Variants in WRN observed in about 807,000 individuals in gnomAD.
WRN encodes WRN RecQ like helicase, also known as bifunctional 3'-5' exonuclease/ATP-dependent helicase WRN.
WRN carries 149 observed loss-of-function variants against 180.7 expected under a neutral mutation model. The observed-to-expected ratio is 0.82, with a 90% confidence interval of 0.72 to 0.94. The LOEUF (loss-of-function observed/expected upper bound fraction) is 0.94, where lower values mean the gene tolerates loss of function less well. Among genes scored for constraint, WRN ranks in the 40% least tolerant of loss-of-function variants. The pLI, the probability that WRN is intolerant of heterozygous loss-of-function variation, is 0.00. For missense variants in WRN, 1,661 were observed against 1,700.1 expected (o/e 0.98, Z 0.40); for synonymous variants, 548 against 568.9 (o/e 0.96, Z 0.52).
intron 18 of WRN, among the ~76,000 whole-genome samples, chr8:31,109,299 T>A (rs192330701): frequency 6.6e-6 from 1 of 152,340 alleles, no homozygotes; most frequent in Non-Finnish European, 1.5e-5. Context: ...TACTATTAAT[T>A]TTTAATATAG....
chr8:31,115,935 A>G (rs190630451), intron 19 of WRN, among the ~76,000 whole-genome samples: 65 of 152,352 alleles, frequency 4.3e-4, no homozygotes, highest in Admixed American at 1.8e-3. Flanking sequence ...CAGCTTTATT[A>G]TCATAAGCAA....
intron 23 of WRN, among the ~76,000 whole-genome samples, chr8:31,127,418 G>A (rs894849940): frequency 2.6e-5 from 4 of 151,934 alleles, no homozygotes; most frequent in African/African-American, 9.7e-5. Context: ...TATGTTAATT[G>A]AAAAAATAAA....
intron 1 of WRN, among the ~76,000 whole-genome samples, chr8:31,035,464 G>A (rs982825480): frequency 6.6e-6 from 1 of 152,146 alleles, no homozygotes; most frequent in Non-Finnish European, 1.5e-5. Context: ...TGTTCAGAGA[G>A]CAACTTAAGA....
At chr8:31,110,024 A>G (rs142262790) in intron 18 of WRN, among the ~76,000 whole-genome samples, 77 of 152,314 alleles carry the variant, frequency 5.1e-4, no homozygotes, top group African/African-American at 1.7e-3. Context: ...TATCCTGAAA[A>G]TCACTGTTTT....
chr8:31,063,692 C>T (rs1038401915), intron 3 of WRN, among the ~76,000 whole-genome samples: 2 of 152,136 alleles, frequency 1.3e-5, no homozygotes, highest in Admixed American at 6.5e-5. Context: ...GTAGTGTCTT[C>T]ACATATTTTT....
At chr8:31,059,535 G>A (rs1812405859) in intron 3 of WRN, among the ~76,000 whole-genome samples, 1 of 151,982 alleles carries the variant, frequency 6.6e-6, no homozygotes, top group Admixed American at 6.5e-5. Flanking sequence ...AAGCGAGCAC[G>A]ACAGTTTTTT....
intron 9 of WRN, 117 bp downstream of exon 9, chr8:31,081,413 C>A: frequency 9.6e-7 from 1 of 1,045,510 alleles, no homozygotes; most frequent in Non-Finnish European, 1.4e-6. Flanking sequence ...GTCTCTGTTG[C>A]AGTAACTCAG....
At chr8:31,113,740 A>G (rs1801410529) in intron 19 of WRN, among the ~76,000 whole-genome samples, 1 of 151,992 alleles carries the variant, frequency 6.6e-6, no homozygotes, top group African/African-American at 2.4e-5. Flanking sequence ...ATCCTATGCA[A>G]ATGTTTCTTT....
intron 30 of WRN, 58 bp from the exon 31 acceptor site, chr8:31,150,283 T>C: frequency 7.4e-7 from 1 of 1,356,506 alleles, no homozygotes. Context: ...GCTGGAGTGA[T>C]ACTGTTTCAG....
chr8:31,063,118 G>C (rs959692584), intron 3 of WRN, among the ~76,000 whole-genome samples: 2 of 152,184 alleles, frequency 1.3e-5, no homozygotes, highest in African/African-American at 4.8e-5. Flanking sequence ...GATTACAGGT[G>C]TGAGCCACTG....
chr8:31,147,812 TG>T (rs1258065039), intron 30 of WRN, among the ~76,000 whole-genome samples: 2 of 152,142 alleles, frequency 1.3e-5, no homozygotes, highest in African/African-American at 4.8e-5. Flanking sequence ...AGGTTCCTAA[TG>T]CTTAAAACCT....
chr8:31,089,481 TG>T (rs1563344013), intron 13 of WRN, among the ~76,000 whole-genome samples: 1 of 152,038 alleles, frequency 6.6e-6, no homozygotes, highest in African/African-American at 2.4e-5. Context: ...CTAATAAGCC[TG>T]TGAAAATCTA....
intron 1 of WRN, among the ~76,000 whole-genome samples, chr8:31,052,882 C>T (rs373868636): frequency 6.6e-6 from 1 of 152,058 alleles, no homozygotes; most frequent in South Asian, 2.1e-4. Context: ...CCAGGTACCT[C>T]GCTGGGTTGC....
At chr8:31,046,159 T>A (rs1201265002) in intron 1 of WRN, among the ~76,000 whole-genome samples, 1 of 152,192 alleles carries the variant, frequency 6.6e-6, no homozygotes, top group Non-Finnish European at 1.5e-5. Context: ...TGAGATAGGA[T>A]AATAATTTAT....
chr8:31,175,266 C>T lies in WRN; in HGVS notation c.*2164C>T. Among the ~76,000 whole-genome samples the T allele has an allele frequency of 6.6e-6, 1 of 152,126 alleles. No individual in the cohort carries two copies. The highest frequency in any genetic ancestry group is 2.1e-4 in the South Asian group (1 of 4,808). On this transcript the variant is annotated 3_prime_UTR_variant, in exon 35 of 35. Transcript: ENST00000298139. ...CCTGGCCAACATGGTGAAACCCCGT[C>T]TCTACTAAAAATACAAAAATTAGCT...
At position 31,087,772 on chromosome 8, in the gene WRN, T is replaced by G; in HGVS notation, c.1432-4T>G. 6.2e-7 allele frequency: 1 copy of G among 1,613,178 alleles called. No individual in the cohort carries two copies. The highest frequency in any genetic ancestry group is 8.5e-7 in the Non-Finnish European group (1 of 1,179,418). On this transcript the variant is annotated splice_region_variant and splice_polypyrimidine_tract_variant and intron_variant, in intron 11 of 34. Coordinates refer to ENST00000298139, the MANE Select transcript of WRN (RefSeq NM_000553.6). ...TGCTTTTAAGATTTCTTTTAAACTT[T>G]CAGTCTTTAGAAAACCTCAATAGTG...
chr8:31,165,151 TCTTA>T (rs1803803437), intron 33 of WRN, among the ~76,000 whole-genome samples: 2 of 152,074 alleles, frequency 1.3e-5, no homozygotes, highest in Admixed American at 6.6e-5. Context: ...GAATAAAATA[TCTTA>T]CTTTTTCTTT....
At chr8:31,035,591 G>A (rs1811425203) in intron 1 of WRN, among the ~76,000 whole-genome samples, 1 of 152,152 alleles carries the variant, frequency 6.6e-6, no homozygotes, top group Non-Finnish European at 1.5e-5. Context: ...TTCATTCTGA[G>A]GGAGATGGGA....
At chr8:31,035,344 C>T (rs1811410825) in intron 1 of WRN, among the ~76,000 whole-genome samples, 1 of 152,000 alleles carries the variant, frequency 6.6e-6, no homozygotes, top group South Asian at 2.1e-4. Flanking sequence ...GGGACGTCCT[C>T]GCTGAGAAGG....
Sources: allele counts gnomAD v4.1 joint callset (sites outside exome capture counted in the v4.1 genomes callset), GRCh38; gene constraint gnomAD v4.1.1; transcripts MANE v1.5; gene names NCBI Gene and HGNC (gene_info 2026-07-23, HGNC 2026-07-21).